Variants in THSD7B observed in about 807,000 individuals in gnomAD.
THSD7B encodes the protein thrombospondin type 1 domain containing 7B.
In THSD7B, 138 loss-of-function variants were observed where a neutral mutation model predicts 213.6. The observed-to-expected ratio is 0.65, with a 90% CI of 0.56 to 0.74. The LOEUF is 0.74. Among genes scored for constraint, THSD7B ranks in the 30% least tolerant of loss-of-function variants. The probability of loss-of-function intolerance (pLI) is 0.00; values close to 1 mark genes in which losing one functional copy is unlikely to be tolerated. For missense variants in THSD7B, 1,931 were observed against 1,991.5 expected, an observed-to-expected ratio of 0.97 and a Z score of 0.58; for synonymous variants, 742 against 687.0, an observed-to-expected ratio of 1.08 and a Z score of -1.25.
chr2:136,766,596 GCT>G (rs917060985), intron 1 of THSD7B, among the ~76,000 whole-genome samples: 6 of 152,176 alleles, frequency 3.9e-5, no homozygotes, highest in African/African-American at 1.4e-4. Context: ...GGGGCGTTAA[GCT>G]CTCTCACTCT....
chr2:136,855,599 TTTA>T (rs201765872), intron 1 of THSD7B, among the ~76,000 whole-genome samples: 72,519 of 134,224 alleles, frequency 0.54, 19,772 homozygotes, highest in Non-Finnish European at 0.64. Context: ...CTATTATTTA[TTTA>T]TTATTTATTT....
At chr2:137,112,783 G>T (rs889419522) in intron 4 of THSD7B, among the ~76,000 whole-genome samples, 1 of 151,944 alleles carries the variant, frequency 6.6e-6, no homozygotes, top group African/African-American at 2.4e-5. Flanking sequence ...GTGTGTGTGT[G>T]TGTGTGTGTG....
chr2:137,152,058 G>A (rs1190434086), intron 5 of THSD7B, among the ~76,000 whole-genome samples: 1 of 148,150 alleles, frequency 6.7e-6, no homozygotes, highest in Non-Finnish European at 1.5e-5. Context: ...AAAACTTGAA[G>A]AGGAGGGGTG....
intron 3 of THSD7B, among the ~76,000 whole-genome samples, chr2:137,064,085 A>G (rs1376758022): frequency 3.3e-5 from 5 of 152,052 alleles, no homozygotes; most frequent in Non-Finnish European, 5.9e-5. Flanking sequence ...AGGAGCCTCT[A>G]AACTGTTCTC....
chr2:137,261,065 A>G (rs916775372), intron 10 of THSD7B, among the ~76,000 whole-genome samples: 3 of 152,084 alleles, frequency 2.0e-5, no homozygotes, highest in Non-Finnish European at 4.4e-5. Flanking sequence ...CTGCCACCTC[A>G]GTCTTGCAAA....
intron 10 of THSD7B, among the ~76,000 whole-genome samples, chr2:137,260,062 CT>C (rs1344233880): frequency 1.3e-5 from 2 of 152,094 alleles, no homozygotes; most frequent in Non-Finnish European, 2.9e-5. Flanking sequence ...TCCAAACCGT[CT>C]CCTGACTTTA....
At chr2:137,017,284 GT>G (rs35558906) in intron 2 of THSD7B, among the ~76,000 whole-genome samples, 10,096 of 145,898 alleles carry the variant, frequency 0.069, 405 homozygotes, top group Non-Finnish European at 0.088. Context: ...GGGCTTCCAT[GT>G]TTTTTTTTTT....
intron 5 of THSD7B, among the ~76,000 whole-genome samples, chr2:137,155,174 A>C (rs1172776273): frequency 6.6e-6 from 1 of 152,208 alleles, no homozygotes; most frequent in Non-Finnish European, 1.5e-5. Flanking sequence ...GTTATATGTT[A>C]TTTTGACTCT....
chr2:137,341,165 T>C (rs554363392), intron 12 of THSD7B, among the ~76,000 whole-genome samples: 71 of 151,892 alleles, frequency 4.7e-4, no homozygotes, highest in African/African-American at 1.6e-3. Context: ...GATACCTCAC[T>C]GTGGTTTTAA....
chr2:136,956,021 C>T (rs1479551747), intron 2 of THSD7B, among the ~76,000 whole-genome samples: 4 of 132,580 alleles, frequency 3.0e-5, no homozygotes, highest in South Asian at 2.4e-4. Flanking sequence ...AGCGAGACTC[C>T]GTCTCAAAAA....
At chr2:136,929,692 G>A (rs1456314686) in intron 2 of THSD7B, among the ~76,000 whole-genome samples, 1 of 152,152 alleles carries the variant, frequency 6.6e-6, no homozygotes, top group Non-Finnish European at 1.5e-5. Context: ...GTTTTCAGGT[G>A]TTTTAGGAGG....
intron 13 of THSD7B, among the ~76,000 whole-genome samples, chr2:137,406,022 A>G (rs1267658613): frequency 6.6e-6 from 1 of 152,218 alleles, no homozygotes; most frequent in Admixed American, 6.5e-5. Flanking sequence ...ACTGTTTTAT[A>G]GCTATCAAGT....
chr2:137,113,232 C>T (rs952612031), intron 4 of THSD7B, among the ~76,000 whole-genome samples: 1 of 152,004 alleles, frequency 6.6e-6, no homozygotes, highest in Non-Finnish European at 1.5e-5. Context: ...CTATCTGTGC[C>T]CTGAAACTGG....
intron 12 of THSD7B, among the ~76,000 whole-genome samples, chr2:137,327,808 C>T (rs889223481): frequency 6.6e-6 from 1 of 152,250 alleles, no homozygotes; most frequent in Non-Finnish European, 1.5e-5. Flanking sequence ...AATAGCTAAA[C>T]AGTATTAATT....
intron 15 of THSD7B, among the ~76,000 whole-genome samples, chr2:137,556,529 G>C (rs1381241613): frequency 1.3e-5 from 2 of 152,108 alleles, no homozygotes; most frequent in Non-Finnish European, 2.9e-5. Context: ...CCCTAAAAGA[G>C]CTCCTGAAGA....
At chr2:137,129,632 G>GA (rs1558931473) in intron 5 of THSD7B, among the ~76,000 whole-genome samples, 1 of 151,994 alleles carries the variant, frequency 6.6e-6, no homozygotes, top group Non-Finnish European at 1.5e-5. Context: ...TTAGAGATGG[G>GA]ATCTCTCTAT....
At chr2:137,295,426 C>A (rs1048673591) in intron 12 of THSD7B, among the ~76,000 whole-genome samples, 1 of 152,068 alleles carries the variant, frequency 6.6e-6, no homozygotes, top group Non-Finnish European at 1.5e-5. Context: ...ATCAAACAGA[C>A]AAAATACCAG....
intron 2 of THSD7B, among the ~76,000 whole-genome samples, chr2:136,993,084 C>T (rs1386580901): frequency 6.6e-6 from 1 of 152,162 alleles, no homozygotes; most frequent in Non-Finnish European, 1.5e-5. Context: ...GAAACAAAGC[C>T]ACCTGAATGA....
chr2:136,838,989 C>T (rs1682881768), intron 1 of THSD7B, among the ~76,000 whole-genome samples: 1 of 152,162 alleles, frequency 6.6e-6, no homozygotes, highest in South Asian at 2.1e-4. Flanking sequence ...GGTGCTTTAG[C>T]TTCACCATGC....
Sources: gnomAD v4.1 joint callset for allele counts (sites outside exome capture counted in the v4.1 genomes callset) on GRCh38, gnomAD v4.1.1 for gene constraint, MANE v1.5 for transcripts, NCBI Gene and HGNC (gene_info 2026-07-23, HGNC 2026-07-21) for gene names.